PDE4B: variants seen among roughly 807,000 people sequenced by gnomAD.
The protein encoded by PDE4B is 3',5'-cyclic-AMP phosphodiesterase 4B.
Under a neutral mutation model 82.2 loss-of-function variants are expected in PDE4B, and 20 were observed. That is an observed-to-expected ratio of 0.24 (90% CI 0.17 to 0.35). The LOEUF is 0.35. PDE4B is among the 10% of genes least tolerant of loss of function. PDE4B has a pLI of 1.00. For synonymous variants in PDE4B, 320 were observed against 318.9 expected, an observed-to-expected ratio of 1.00 and a Z score of -0.04; for missense variants, 655 against 907.2, an observed-to-expected ratio of 0.72 and a Z score of 3.57.
intron 3 of PDE4B, among the ~76,000 whole-genome samples, chr1:66,036,771 G>A (rs1269205675): frequency 3.9e-5 from 6 of 152,048 alleles, no homozygotes; most frequent in African/African-American, 1.4e-4. Flanking sequence ...GACGACTCCA[G>A]GTTTGTCCTT....
intron 4 of PDE4B, among the ~76,000 whole-genome samples, chr1:66,249,302 T>G (rs72924457): frequency 0.17 from 26,094 of 152,168 alleles, 5,619 homozygotes; most frequent in African/African-American, 0.51. Flanking sequence ...CTCAAAGTAA[T>G]TAGAGCTTAA....
At chr1:66,249,633 C>A (rs974949172) in intron 4 of PDE4B, among the ~76,000 whole-genome samples, 3 of 152,122 alleles carry the variant, frequency 2.0e-5, no homozygotes, top group African/African-American at 4.8e-5. Flanking sequence ...GTTTACTGTC[C>A]TTTCAATTTT....
intron 3 of PDE4B, among the ~76,000 whole-genome samples, chr1:66,163,663 A>G (rs1314184425): frequency 6.6e-6 from 1 of 152,198 alleles, no homozygotes; most frequent in Non-Finnish European, 1.5e-5. Context: ...CAAAACAGTC[A>G]TGTTTTAGCA....
intron 6 of PDE4B, 23 bp from the exon 7 acceptor site, chr1:66,266,015 C>A: frequency 3.1e-6 from 5 of 1,602,400 alleles, no homozygotes; most frequent in Non-Finnish European, 4.3e-6. Flanking sequence ...CAGACTCAGT[C>A]CTTCTTTTCT....
Position 66,258,013 on chromosome 1 carries a change from C to A in PDE4B, c.584+150C>A, listed in dbSNP as rs1366797484. 14 of 617,102 alleles carry A rather than the reference C, an allele frequency of 2.3e-5. 2 individuals carry two copies. In the South Asian group the frequency reaches 2.8e-4, roughly 12 times the overall value. 38.2% of individuals were successfully genotyped at this position (617,102 alleles called of 1,614,324 possible). A position where few individuals can be genotyped will look rare whatever the true frequency, so the allele number is the denominator to read the frequency against. On this transcript the variant is annotated intron_variant, in intron 6 of 16. Coordinates refer to ENST00000341517, the MANE Select transcript of PDE4B (RefSeq NM_002600.4). The stretch of plus-strand genomic sequence containing the variant: ...TAAAATTTGAAAACAGGATGGAGCA[C>A]CATAGTATTTTAGAACTCATACAAC...
chr1:66,269,372 ACGCAGTAAATCCTCC>A (rs1464177240), intron 7 of PDE4B, among the ~76,000 whole-genome samples: 1 of 152,212 alleles, frequency 6.6e-6, no homozygotes, highest in Non-Finnish European at 1.5e-5. Context: ...GAGGAGAAAG[ACGCAGTAAATCCTCC>A]TAGGGGTGTC....
chr1:66,270,548 T>C (rs540918758), intron 7 of PDE4B, among the ~76,000 whole-genome samples: 1 of 152,344 alleles, frequency 6.6e-6, no homozygotes, highest in South Asian at 2.1e-4. Context: ...AGGGTCTATA[T>C]GTGCATGGGT....
Position 66,105,844 on chromosome 1 carries a change from G to C in PDE4B, c.282-141616G>C, listed in dbSNP as rs539083562. ...TCAGCTTAAGGAGATTTTGGGCTGA[G>C]ACAATGGGGTTTTCTAGATATAGAA... On this transcript the variant is annotated intron_variant, in intron 3 of 16. Transcript: ENST00000341517. Among the ~76,000 whole-genome samples, 5 of 151,970 alleles carry C rather than the reference G, an allele frequency of 3.3e-5. No homozygotes were observed. In the East Asian group the frequency reaches 9.7e-4, roughly 29 times the overall value.
intron 3 of PDE4B, among the ~76,000 whole-genome samples, chr1:65,995,622 A>G (rs927848747): frequency 1.3e-5 from 2 of 152,208 alleles, no homozygotes; most frequent in African/African-American, 4.8e-5. Context: ...GTGCTTTTTT[A>G]CATAGATGAA....
chr1:66,300,683 G>C (rs540646497), intron 7 of PDE4B, among the ~76,000 whole-genome samples: 1 of 152,142 alleles, frequency 6.6e-6, no homozygotes, highest in Admixed American at 6.6e-5. Flanking sequence ...AGATGAATTG[G>C]ACGCAGACCC....
intron 3 of PDE4B, among the ~76,000 whole-genome samples, chr1:65,933,356 A>G (rs1056981253): frequency 6.6e-6 from 1 of 152,066 alleles, no homozygotes; most frequent in African/African-American, 2.4e-5. Context: ...AATACTTGGC[A>G]TGCCAAAATT....
intron 3 of PDE4B, among the ~76,000 whole-genome samples, chr1:65,959,837 G>A (rs1238931793): frequency 6.6e-6 from 1 of 151,998 alleles, no homozygotes; most frequent in Non-Finnish European, 1.5e-5. Context: ...TGATAGTTGA[G>A]TTCCTTTATC....
At chr1:66,169,928 T>C (rs1008599296) in intron 3 of PDE4B, among the ~76,000 whole-genome samples, 1 of 152,234 alleles carries the variant, frequency 6.6e-6, no homozygotes, top group African/African-American at 2.4e-5. Flanking sequence ...CTATTGACAA[T>C]GTTCCTGTTG....
intron 3 of PDE4B, among the ~76,000 whole-genome samples, chr1:66,114,717 C>A (rs1645558992): frequency 6.7e-6 from 1 of 149,866 alleles, no homozygotes; most frequent in South Asian, 2.1e-4. Flanking sequence ...CTCACTGCAA[C>A]CTCTGCTTCC....
intron 3 of PDE4B, among the ~76,000 whole-genome samples, chr1:65,936,249 C>A (rs1039413279): frequency 6.6e-6 from 1 of 152,010 alleles, no homozygotes; most frequent in Admixed American, 6.6e-5. Context: ...TCCTGAAGGA[C>A]CTGTCTGAGG....
intron 3 of PDE4B, among the ~76,000 whole-genome samples, chr1:65,988,001 T>A (rs1173619807): frequency 6.6e-6 from 1 of 152,248 alleles, no homozygotes; most frequent in Non-Finnish European, 1.5e-5. Flanking sequence ...GACTGTCTAC[T>A]CTGTGCCATA....
chr1:65,932,835 C>A (rs1647913108), intron 3 of PDE4B, among the ~76,000 whole-genome samples: 1 of 151,952 alleles, frequency 6.6e-6, no homozygotes, highest in South Asian at 2.1e-4. Context: ...CAGACTAAAT[C>A]AAGCAGAAGA....
intron 3 of PDE4B, among the ~76,000 whole-genome samples, chr1:66,024,330 A>T (rs2503215): frequency 0.89 from 135,496 of 152,032 alleles, 60,861 homozygotes; most frequent in Non-Finnish European, 0.94. Context: ...TGCTTCAGAG[A>T]TCATCTCATT....
chr1:66,079,769 C>G (rs184031536), intron 3 of PDE4B, among the ~76,000 whole-genome samples: 15 of 151,906 alleles, frequency 9.9e-5, no homozygotes, highest in African/African-American at 3.6e-4. Context: ...TGAGACAGAA[C>G]TGAGAATGAA....
Sources: allele counts gnomAD v4.1 joint callset (sites outside exome capture counted in the v4.1 genomes callset), GRCh38; gene constraint gnomAD v4.1.1; transcripts MANE v1.5; gene names NCBI Gene and HGNC (gene_info 2026-07-23, HGNC 2026-07-21).